EVC2: variants seen among roughly 807,000 people sequenced by gnomAD.
EVC2 encodes limbin.
In EVC2, 148 loss-of-function variants were observed where a neutral mutation model predicts 149.3. The ratio of observed to expected loss-of-function variants is 0.99; its 90% CI spans 0.87 to 1.14. EVC2 has a LOEUF of 1.14. Ranked by LOEUF, EVC2 falls within the 50% of genes most tolerant of loss-of-function variation. The pLI is 0.00. For synonymous variants in EVC2, 776 were observed against 649.9 expected (o/e 1.19, Z -2.95); for missense variants, 1,854 against 1,627.3 (o/e 1.14, Z -2.40).
chr4:5,700,190 T>C (rs1721739386), intron 1 of EVC2, among the ~76,000 whole-genome samples: 1 of 152,132 alleles, frequency 6.6e-6, no homozygotes, highest in Admixed American at 6.6e-5. Flanking sequence ...ACACTATGTA[T>C]GTGTGTGGGC....
intron 2 of EVC2, among the ~76,000 whole-genome samples, chr4:5,695,977 A>G (rs1170543511): frequency 6.6e-6 from 1 of 152,084 alleles, no homozygotes; most frequent in Non-Finnish European, 1.5e-5. Context: ...TCAGTTCCTC[A>G]GGTTGGGATG....
chr4:5,656,510 C>A (rs1718530682), intron 9 of EVC2, among the ~76,000 whole-genome samples: 1 of 152,174 alleles, frequency 6.6e-6, no homozygotes, highest in Non-Finnish European at 1.5e-5. Context: ...CACGAGGAGA[C>A]TATGCTGGAT....
In EVC2 at chr4:5,600,251, C is replaced by T. The variant is rs763355640; in HGVS notation, c.2829+15171G>A. Among the ~76,000 whole-genome samples, 4 of 152,166 alleles carry T rather than the reference C, an allele frequency of 2.6e-5. No individual in the cohort carries two copies. The South Asian group carries it at 6.2e-4, about 24-fold the overall frequency. ...CTACGGAGTACCTACTGAACAGTAG[C>T]TGTCATCATCATTACCACTTTATTA... On this transcript the variant is annotated intron_variant, in intron 16 of 21. Transcript: ENST00000344408.
rs762871056 is a variant in EVC2 at position 5,689,152 on chromosome 4, G to A, written c.706+5C>T. The A allele has an allele frequency of 1.9e-6, 3 of 1,614,046 alleles. No individual in the cohort carries two copies. The highest frequency in any genetic ancestry group is 2.5e-6 in the Non-Finnish European group (3 of 1,180,028). On this transcript the variant is annotated splice_donor_5th_base_variant and intron_variant, in intron 5 of 21. Coordinates refer to ENST00000344408, the MANE Select transcript of EVC2 (RefSeq NM_147127.5). Reference sequence around the variant, plus strand: ...ATCCCTGACTTCAGAACGCTTTGCTGTTACCTTGCAGAAACTTCTTGCTAA... The same window carrying A: ...ATCCCTGACTTCAGAACGCTTTGCTATTACCTTGCAGAAACTTCTTGCTAA...
intron 9 of EVC2, among the ~76,000 whole-genome samples, chr4:5,655,825 A>G (rs924521825): frequency 6.6e-6 from 1 of 151,980 alleles, no homozygotes; most frequent in Non-Finnish European, 1.5e-5. Flanking sequence ...AAAATAGCTT[A>G]GAACTTGGAA....
Position 5,543,614 on chromosome 4 carries a change from C to T in EVC2, c.3420-402G>A, listed in dbSNP as rs186182166. The stretch of plus-strand genomic sequence containing the variant: ...AGGGGGACGAGGAAGAGAGGAGAAT[C>T]GGGAAAGGGGCTGATGGGAGTGTGT... On this transcript the variant is annotated intron_variant and NMD_transcript_variant, in intron 21 of 22. Coordinates refer to the EVC2 transcript ENST00000475313. 1.8e-3 allele frequency among the ~76,000 whole-genome samples: 279 copies of T among 152,192 alleles called. 3 individuals are homozygous for T. The highest frequency in any genetic ancestry group is 6.3e-3 in the African/African-American group (260 of 41,512).
intron 4 of EVC2, among the ~76,000 whole-genome samples, chr4:5,690,631 T>A (rs1721059976): frequency 6.6e-6 from 1 of 152,170 alleles, no homozygotes; most frequent in Non-Finnish European, 1.5e-5. Flanking sequence ...GTTGGCAATA[T>A]TCCATCCGGA....
In EVC2 at chr4:5,593,947, C is replaced by T. The variant is rs374258466; in HGVS notation, c.2830-9097G>A. 5.3e-5 allele frequency among the ~76,000 whole-genome samples: 8 copies of T among 152,236 alleles called. No individual in the cohort carries two copies. The East Asian group carries it at 1.5e-3, about 29-fold the overall frequency. ...CCCACCTGGCTTGGAGGGTCCTACA[C>T]CCATGGAGTCTCGCTGATTGCTAGC... On this transcript the variant is annotated intron_variant, in intron 16 of 21. Coordinates refer to ENST00000344408, the MANE Select transcript of EVC2 (RefSeq NM_147127.5).
intron 9 of EVC2, among the ~76,000 whole-genome samples, chr4:5,652,979 G>C (rs553517738): frequency 1.3e-5 from 2 of 152,274 alleles, no homozygotes; most frequent in East Asian, 3.9e-4. Flanking sequence ...CAAGGTGTTG[G>C]CAGGGATGGT....
At chr4:5,541,179 C>T (rs762403307), downstream of EVC2, among the ~76,000 whole-genome samples, 8 of 152,216 alleles carry the variant, frequency 5.3e-5, no homozygotes, top group Non-Finnish European at 8.8e-5. Context: ...AGCAATTTCA[C>T]GGATTCACTC....
the EVC2 span, among the ~76,000 whole-genome samples, chr4:5,530,167 C>T: frequency 1.2e-4 from 18 of 152,126 alleles, no homozygotes; most frequent in African/African-American, 4.3e-4. Context: ...TCATTACATG[C>T]AATTCAATAA....
chr4:5,688,207 T>C (rs73200123), intron 5 of EVC2, among the ~76,000 whole-genome samples: 26,159 of 152,098 alleles, frequency 0.17, 2,495 homozygotes, highest in Non-Finnish European at 0.22. Context: ...CTGTCAATAA[T>C]AGCGTGTTAA....
the EVC2 span, among the ~76,000 whole-genome samples, chr4:5,532,304 C>T: frequency 5.9e-5 from 9 of 152,216 alleles, no homozygotes; most frequent in South Asian, 2.1e-4. Flanking sequence ...ACTGATTGGA[C>T]GAGGCCCACC....
intron 3 of EVC2, among the ~76,000 whole-genome samples, chr4:5,691,647 G>A (rs1051831005): frequency 6.6e-6 from 1 of 152,176 alleles, no homozygotes; most frequent in Non-Finnish European, 1.5e-5. Context: ...GCAGAGCAGT[G>A]AAGATATCAT....
At chr4:5,593,718 G>C (rs116355242) in intron 16 of EVC2, among the ~76,000 whole-genome samples, 1 of 152,140 alleles carries the variant, frequency 6.6e-6, no homozygotes, top group Non-Finnish European at 1.5e-5. Context: ...GACACTGGGC[G>C]CAGGACAGTG....
At chr4:5,662,472 A>ATAATATTAAATATAATAT (rs1560205823) in intron 9 of EVC2, among the ~76,000 whole-genome samples, 6 of 143,830 alleles carry the variant, frequency 4.2e-5, no homozygotes, top group Non-Finnish European at 7.5e-5. Context: ...TATTATTAAT[A>ATAATATTAAATATAATAT]TAATATTAAA....
intron 10 of EVC2, among the ~76,000 whole-genome samples, chr4:5,635,650 T>A (rs908164211): frequency 6.6e-6 from 1 of 152,162 alleles, no homozygotes; most frequent in African/African-American, 2.4e-5. Context: ...CTCCCCATAC[T>A]CAGAAAGACA....
In EVC2 at chr4:5,637,713, A is replaced by C. The variant is rs977330258; in HGVS notation, c.1470+2801T>G. On this transcript the variant is annotated intron_variant, in intron 10 of 21. Transcript: ENST00000344408. This position sits in a 1 kb window ranked among gnomAD's most constrained non-coding sequence, Gnocchi z 4.4. Reference sequence around the variant, plus strand: ...GGCAGGTGTGAAGGCTGCCTGAGCCATCCCTGTATCTCCAGGGTTAGGTAT... The same window carrying C: ...GGCAGGTGTGAAGGCTGCCTGAGCCCTCCCTGTATCTCCAGGGTTAGGTAT... Among the ~76,000 whole-genome samples, 3 of 152,134 alleles carry C rather than the reference A, an allele frequency of 2.0e-5. No homozygotes were observed. The highest frequency in any genetic ancestry group is 4.4e-5 in the Non-Finnish European group (3 of 68,024).
rs1403071854 is a variant in EVC2, at chr4:5,567,980, G to T, written c.3557+464C>A. Among the ~76,000 whole-genome samples the T allele has an allele frequency of 2.0e-5, 3 of 152,336 alleles. No individual in the cohort carries two copies. Among genetic ancestry groups the T allele is most frequent in the African/African-American group, 7.2e-5 (3 of 41,568 alleles). On this transcript the variant is annotated intron_variant, in intron 20 of 21. Transcript: ENST00000344408. The surrounding 1 kb of genome is among the most constrained non-coding windows in gnomAD (Gnocchi z 4.4). ...TTCTGCTGTAAGATTCTGAAATGCA[G>T]AATGTAGCAAGGCTGTATCCACAGC...
Sources: gnomAD v4.1 joint callset for allele counts (sites outside exome capture counted in the v4.1 genomes callset) on GRCh38, gnomAD v4.1.1 for gene constraint, Gnocchi (gnomAD v3.1) non-coding constraint, MANE v1.5 for transcripts, NCBI Gene and HGNC (gene_info 2026-07-23, HGNC 2026-07-21) for gene names.